Variants in FAM3B observed in about 807,000 individuals in gnomAD.
FAM3B encodes the protein FAM3 metabolism regulating signaling molecule B.
A neutral mutation model predicts 28.4 loss-of-function variants in FAM3B; 29 were observed. The observed-to-expected ratio is 1.02, with a 90% CI of 0.76 to 1.39. FAM3B has a LOEUF of 1.39. Among genes scored for constraint, FAM3B ranks in the 40% most tolerant of loss-of-function variants. The pLI is 0.00. For synonymous variants in FAM3B, 91 were observed against 103.0 expected (o/e 0.88, Z 0.71); for missense variants, 266 against 293.9 (o/e 0.91, Z 0.69).
At chr21:41,348,835 C>A in intron 7 of FAM3B, 111 bp downstream of exon 7, 1 of 1,204,892 alleles carries the variant, frequency 8.3e-7, no homozygotes, top group Non-Finnish European at 1.2e-6. Flanking sequence ...AGAGTTGTGT[C>A]AGCTGTTTCC....
intron 1 of FAM3B, chr21:41,322,474 G>A: frequency 1.5e-6 from 1 of 662,752 alleles, no homozygotes; most frequent in East Asian, 2.7e-5. Context: ...CTGGTGATAT[G>A]GAAATCAACA....
upstream of FAM3B, among the ~76,000 whole-genome samples, chr21:41,313,798 T>TTTTTGTTGTTG (rs1489570347): frequency 1.5e-5 from 2 of 133,334 alleles, no homozygotes; most frequent in African/African-American, 5.7e-5. Flanking sequence ...CAGTGGGGCA[T>TTTTTGTTGTTG]TTTTGTTGTT....
At chr21:41,338,817 C>G (rs1431014374) in intron 3 of FAM3B, among the ~76,000 whole-genome samples, 1 of 152,098 alleles carries the variant, frequency 6.6e-6, no homozygotes, top group African/African-American at 2.4e-5. Flanking sequence ...GACAAGTACT[C>G]TGGGATCTGA....
intron 2 of FAM3B, among the ~76,000 whole-genome samples, chr21:41,325,365 T>C (rs1022008427): frequency 1.3e-5 from 2 of 152,232 alleles, no homozygotes; most frequent in African/African-American, 4.8e-5. Flanking sequence ...AAATGCCATA[T>C]GCAAACAGCC....
chr21:41,316,172 T>C (rs112931720), upstream of FAM3B, among the ~76,000 whole-genome samples: 43 of 152,348 alleles, frequency 2.8e-4, no homozygotes, highest in African/African-American at 1.0e-3. Flanking sequence ...CACATCTGCC[T>C]GACCCCCACT....
At chr21:41,339,750 G>A (rs2145819708) in intron 3 of FAM3B, among the ~76,000 whole-genome samples, 1 of 152,268 alleles carries the variant, frequency 6.6e-6, no homozygotes, top group East Asian at 1.9e-4. Flanking sequence ...TTTTATTAAG[G>A]TTATAAAGAG....
At chr21:41,312,356 C>T (rs1264043388), upstream of FAM3B, among the ~76,000 whole-genome samples, 1 of 152,154 alleles carries the variant, frequency 6.6e-6, no homozygotes, top group African/African-American at 2.4e-5. Context: ...CTGAGTCACA[C>T]AGACCTTCCC....
chr21:41,356,040 T>TACATACAC (rs1350874234), intron 7 of FAM3B, among the ~76,000 whole-genome samples: 53 of 119,962 alleles, frequency 4.4e-4, no homozygotes, highest in African/African-American at 1.5e-3. Context: ...AAAAAATACA[T>TACATACAC]ACACACACAC....
rs182310717 is a variant in FAM3B at position 41,318,951 on chromosome 21, G to T, written c.19+2053G>T. On this transcript the variant is annotated intron_variant, in intron 1 of 7. Coordinates refer to ENST00000357985, the MANE Select transcript of FAM3B (RefSeq NM_058186.4). ...TCTGTAGCCCAGACTGAAATGCAGT[G>T]GTATGATCATAGCTCACTGCAGCCT... Among the ~76,000 whole-genome samples the T allele has an allele frequency of 5.9e-5, 9 of 152,288 alleles. No homozygotes were observed. In the East Asian group the frequency reaches 1.7e-3, roughly 29 times the overall value.
chr21:41,320,894 C>T (rs547422682), intron 1 of FAM3B: 1 of 152,228 alleles, frequency 6.6e-6, no homozygotes, highest in East Asian at 1.9e-4. Flanking sequence ...GTTTTCTTCT[C>T]TGTCGTGTCC....
intron 1 of FAM3B, among the ~76,000 whole-genome samples, chr21:41,305,654 A>G (rs1488847265): frequency 6.6e-6 from 1 of 152,218 alleles, no homozygotes; most frequent in African/African-American, 2.4e-5. Flanking sequence ...ACATTACTCC[A>G]TTAAGTGTGA....
chr21:41,314,774 A>G (rs2898448), upstream of FAM3B, among the ~76,000 whole-genome samples: 15,433 of 149,974 alleles, frequency 0.1, 1,044 homozygotes, highest in Admixed American at 0.2. Flanking sequence ...AAAAAAAAAA[A>G]AGAGAGAGAT....
intron 2 of FAM3B, 103 bp from the exon 3 acceptor site, chr21:41,338,275 T>G: frequency 2.6e-5 from 36 of 1,410,264 alleles, no homozygotes; most frequent in Non-Finnish European, 3.4e-5. Flanking sequence ...GACCGCTGCT[T>G]GGAGTTTCTG....
At chr21:41,310,572 G>C (rs73905320) in intron 1 of FAM3B, among the ~76,000 whole-genome samples, 1,764 of 152,282 alleles carry the variant, frequency 0.012, 45 homozygotes, top group African/African-American at 0.04. Flanking sequence ...ACTAGGACCT[G>C]TACTTCCACT....
intron 2 of FAM3B, among the ~76,000 whole-genome samples, chr21:41,333,500 T>C (rs1325078523): frequency 6.6e-6 from 1 of 152,222 alleles, no homozygotes; most frequent in East Asian, 1.9e-4. Context: ...GTGATATGCC[T>C]GCTACCCCTT....
At chr21:41,338,573 G>A (rs1900454816) in intron 3 of FAM3B, 72 bp downstream of exon 3, 3 of 1,586,478 alleles carry the variant, frequency 1.9e-6, no homozygotes, top group East Asian at 4.5e-5. Flanking sequence ...GGCTGACCAA[G>A]CAGCAGTTCT....
chr21:41,307,842 C>T (rs1415661620), intron 1 of FAM3B, among the ~76,000 whole-genome samples: 1 of 152,066 alleles, frequency 6.6e-6, no homozygotes, highest in Non-Finnish European at 1.5e-5. Flanking sequence ...GATCCCCATA[C>T]CATATATGAT....
chr21:41,316,791 C>G (rs1029697301), upstream of FAM3B: 1 of 1,308,646 alleles, frequency 7.6e-7, no homozygotes. Flanking sequence ...GACCGCTGCC[C>G]GCCCCTTGCC....
In FAM3B at chr21:41,338,279, G is replaced by A; in HGVS notation, c.164-99G>A. On this transcript the variant is annotated intron_variant, in intron 2 of 7. Coordinates refer to ENST00000357985, the MANE Select transcript of FAM3B (RefSeq NM_058186.4). ...TCAGGTTTTCCGACCGCTGCTTGGA[G>A]TTTCTGGTATGAAGTGCTGGTGTTC... 3 of 1,450,254 alleles carry A rather than the reference G, an allele frequency of 2.1e-6. No homozygotes were observed. In the Admixed American group the frequency reaches 5.8e-5, roughly 28 times the overall value. 89.8% of individuals were successfully genotyped at this position (1,450,254 alleles called of 1,614,324 possible). A position where few individuals can be genotyped will look rare whatever the true frequency, so the allele number is the denominator to read the frequency against.
Sources: gnomAD v4.1 joint callset for allele counts (sites outside exome capture counted in the v4.1 genomes callset) on GRCh38, gnomAD v4.1.1 for gene constraint, MANE v1.5 for transcripts, NCBI Gene and HGNC (gene_info 2026-07-23, HGNC 2026-07-21) for gene names.